MPRIP: variants seen among roughly 807,000 people sequenced by gnomAD.
MPRIP encodes myosin phosphatase Rho-interacting protein.
MPRIP carries 59 observed loss-of-function variants against 234.9 expected under a neutral mutation model. The ratio of observed to expected loss-of-function variants is 0.25; its 90% confidence interval spans 0.20 to 0.31. The LOEUF (loss-of-function observed/expected upper bound fraction) is 0.31. MPRIP is among the 10% of genes least tolerant of loss of function. The probability of loss-of-function intolerance (pLI) is 1.00; values close to 1 mark genes in which losing one functional copy is unlikely to be tolerated. For synonymous variants in MPRIP, 1,144 were observed against 1,263.9 expected (o/e 0.91, Z 2.01); for missense variants, 2,436 against 3,071.0 (o/e 0.79, Z 4.89).
Position 17,191,265 on chromosome 17 carries a change from G to C in MPRIP, c.*6371G>C, listed in dbSNP as rs1017059829. The C allele has an allele frequency of 6.6e-6, 1 of 152,186 alleles. No individual in the cohort carries two copies. Among genetic ancestry groups the C allele is most frequent in the Admixed American group, 6.5e-5 (1 of 15,282 alleles). The allele number at this position is 152,186 out of a possible 1,614,324, so 9.4% of individuals were successfully genotyped here. A position where few individuals can be genotyped will look rare whatever the true frequency, so the allele number is the denominator to read the frequency against. On this transcript the variant is annotated 3_prime_UTR_variant, in exon 24 of 24. Transcript: ENST00000651222. ...GCCATCTTGACCAGACTTCTGCACA[G>C]TAATTTAACGCTATCCTAGGGAGAC...
rs749328351 is a variant in MPRIP at position 17,167,157 on chromosome 17, C to T, written c.5566C>T (p.Arg1856Trp). 8 of 1,303,934 alleles carry T rather than the reference C, an allele frequency of 6.1e-6. No homozygotes were observed. The highest frequency in any genetic ancestry group is 2.1e-4 in the Middle Eastern group (1 of 4,720). The allele number at this position is 1,303,934 out of a possible 1,614,324, so 80.8% of individuals were successfully genotyped here. A position where few individuals can be genotyped will look rare whatever the true frequency, so the allele number is the denominator to read the frequency against. The change falls in exon 16 of 24, where the codon CGG (arginine) becomes TGG (tryptophan). Residue 1856 changes from arginine (R) to tryptophan (W), a missense_variant. Transcript: ENST00000651222. This position sits in a 1 kb window ranked among gnomAD's most constrained non-coding sequence, Gnocchi z 5.9. ...AQVCYASCRI[R>W]LEYEKELQLC... Reference sequence around the variant, plus strand: ...GGTTTGCTATGCGTCCTGCAGAATCCGGCTAGAATATGAGAAGGAGCTCCA... The same window carrying T: ...GGTTTGCTATGCGTCCTGCAGAATCTGGCTAGAATATGAGAAGGAGCTCCA...
At chr17:17,098,632 C>T (rs77100722) in intron 3 of MPRIP, among the ~76,000 whole-genome samples, 6,806 of 152,282 alleles carry the variant, frequency 0.045, 474 homozygotes, top group African/African-American at 0.14. Flanking sequence ...GCAAGAACCC[C>T]TTTCTCCCCT....
intron 3 of MPRIP, among the ~76,000 whole-genome samples, chr17:17,098,715 G>T (rs932633690): frequency 1.3e-5 from 2 of 152,136 alleles, no homozygotes; most frequent in Non-Finnish European, 2.9e-5. Context: ...GGCTCCCAGG[G>T]CTCCCAAGCC....
chr17:17,131,509 C>A, intron 4 of MPRIP, 108 bp from the exon 5 acceptor site: 1 of 880,288 alleles, frequency 1.1e-6, no homozygotes. Flanking sequence ...CAGTCTGTCA[C>A]TGGGGACAAT....
chr17:17,096,812 G>A (rs1323703281), intron 3 of MPRIP: 1 of 471,166 alleles, frequency 2.1e-6, no homozygotes, highest in Non-Finnish European at 4.4e-6. Flanking sequence ...AAACCACAAG[G>A]GAGCTTGGAT....
At chr17:17,127,668 A>C (rs538306956) in intron 4 of MPRIP, among the ~76,000 whole-genome samples, 5 of 152,354 alleles carry the variant, frequency 3.3e-5, no homozygotes, top group Admixed American at 3.3e-4. Flanking sequence ...GCTGAGAAGG[A>C]GGCACATGAG....
chr17:17,139,683 C>T (rs2090773870), intron 7 of MPRIP, among the ~76,000 whole-genome samples: 1 of 152,196 alleles, frequency 6.6e-6, no homozygotes, highest in African/African-American at 2.4e-5. Flanking sequence ...CATTGGCTGA[C>T]AGCCCACCCA....
chr17:17,097,727 T>TA (rs2089877851), intron 3 of MPRIP, among the ~76,000 whole-genome samples: 3 of 152,242 alleles, frequency 2.0e-5, no homozygotes, highest in Non-Finnish European at 2.9e-5. Context: ...AGCTGATAGT[T>TA]ACCTCTGTCC....
chr17:17,160,773 C>T (rs150157462), intron 14 of MPRIP, among the ~76,000 whole-genome samples: 5 of 152,320 alleles, frequency 3.3e-5, no homozygotes, highest in East Asian at 1.9e-4. Context: ...TCACAGTGGT[C>T]CCTGTAGAGC....
At chr17:17,177,465 T>G in intron 22 of MPRIP, 53 bp downstream of exon 22, 1 of 1,582,806 alleles carries the variant, frequency 6.3e-7, no homozygotes, top group Non-Finnish European at 8.6e-7. Context: ...TTATGGGGGT[T>G]TGGTCGTAGA....
chr17:17,045,810 T>TG (rs965915264), intron 1 of MPRIP, among the ~76,000 whole-genome samples: 2 of 151,184 alleles, frequency 1.3e-5, no homozygotes, highest in African/African-American at 4.9e-5. Context: ...ATATACAGTT[T>TG]TTTTTTTTTT....
At chr17:17,137,341 C>T (rs2090722250) in intron 6 of MPRIP, among the ~76,000 whole-genome samples, 1 of 151,948 alleles carries the variant, frequency 6.6e-6, no homozygotes, top group African/African-American at 2.4e-5. Flanking sequence ...TAGTGAAATC[C>T]CATCTCTGCT....
chr17:17,174,575 G>A (rs1439833424), intron 19 of MPRIP, among the ~76,000 whole-genome samples: 3 of 152,106 alleles, frequency 2.0e-5, no homozygotes, highest in Non-Finnish European at 4.4e-5. Context: ...GGTGGCTCAC[G>A]CCTGTAATCC....
At chr17:17,159,118 C>A in intron 14 of MPRIP, 116 bp downstream of exon 14, 1 of 1,088,252 alleles carries the variant, frequency 9.2e-7, no homozygotes, top group Non-Finnish European at 1.3e-6. Flanking sequence ...GAGGGACTTG[C>A]AGACCCCTAG....
At chr17:17,179,934 T>G (rs2046337286) in intron 22 of MPRIP, 69 bp from the exon 23 acceptor site, 1 of 1,265,616 alleles carries the variant, frequency 7.9e-7, no homozygotes, top group Admixed American at 2.1e-5. Flanking sequence ...GTTTCAGGAT[T>G]TAGTCTGGTT....
intron 3 of MPRIP, among the ~76,000 whole-genome samples, chr17:17,111,192 C>T (rs1459837518): frequency 1.8e-5 from 2 of 112,384 alleles, no homozygotes; most frequent in African/African-American, 6.8e-5. Flanking sequence ...GGCACAGTGT[C>T]GTGGGAGAGC....
chr17:17,114,399 G>T (rs561460937), intron 3 of MPRIP, among the ~76,000 whole-genome samples: 27 of 150,326 alleles, frequency 1.8e-4, no homozygotes, highest in Non-Finnish European at 3.7e-4. Context: ...GATGTACAAA[G>T]GTTTTTAATT....
intron 3 of MPRIP, among the ~76,000 whole-genome samples, chr17:17,123,900 G>A (rs975274171): frequency 6.6e-6 from 1 of 152,016 alleles, no homozygotes; most frequent in Non-Finnish European, 1.5e-5. Context: ...TGTGTGATAG[G>A]GTTAGGTGAT....
At chr17:17,048,876 TG>T (rs2088441783) in intron 1 of MPRIP, among the ~76,000 whole-genome samples, 2 of 152,180 alleles carry the variant, frequency 1.3e-5, no homozygotes, top group Admixed American at 1.3e-4. Context: ...AACAGATACT[TG>T]TATACAAATG....
Sources: gnomAD v4.1 joint callset for allele counts (sites outside exome capture counted in the v4.1 genomes callset) on GRCh38, gnomAD v4.1.1 for gene constraint, Gnocchi (gnomAD v3.1) non-coding constraint, MANE v1.5 for transcripts, NCBI Gene and HGNC (gene_info 2026-07-23, HGNC 2026-07-21) for gene names.